TNKS: variants seen among roughly 807,000 people sequenced by gnomAD.
The protein encoded by TNKS is poly [ADP-ribose] polymerase tankyrase-1.
In TNKS, 72 loss-of-function variants were observed where a neutral mutation model predicts 135.8. The ratio of observed to expected loss-of-function variants is 0.53; its 90% CI spans 0.44 to 0.64. The LOEUF (loss-of-function observed/expected upper bound fraction) is 0.64, where lower values mean the gene tolerates loss of function less well. Ranked by LOEUF, TNKS falls within the 30% of genes least tolerant of loss-of-function variation. The pLI is 0.00. For synonymous variants in TNKS, 849 were observed against 649.3 expected (o/e 1.31, Z -4.68); for missense variants, 1,769 against 1,674.0 (o/e 1.06, Z -0.99).
chr8:9,597,467 T>C (rs1798834254), intron 2 of TNKS, among the ~76,000 whole-genome samples: 1 of 151,352 alleles, frequency 6.6e-6, no homozygotes, highest in Non-Finnish European at 1.5e-5. Flanking sequence ...TTAGTATCCT[T>C]TGTAATTTTG....
intron 2 of TNKS, among the ~76,000 whole-genome samples, chr8:9,592,751 T>G (rs1798634281): frequency 6.6e-6 from 1 of 152,220 alleles, no homozygotes; most frequent in South Asian, 2.1e-4. Context: ...TGTCTGACTT[T>G]TTTTTATATT....
chr8:9,768,755 G>A (rs971410766), intron 25 of TNKS, among the ~76,000 whole-genome samples: 1 of 152,208 alleles, frequency 6.6e-6, no homozygotes, highest in Non-Finnish European at 1.5e-5. Flanking sequence ...AGAGAGAGAT[G>A]GAGCTCAAAA....
chr8:9,715,939 A>G (rs1481363587), intron 11 of TNKS, among the ~76,000 whole-genome samples: 1 of 152,170 alleles, frequency 6.6e-6, no homozygotes, highest in Non-Finnish European at 1.5e-5. Context: ...GCATTCTGTC[A>G]GTAATGAATT....
At chr8:9,632,922 G>A (rs1211474141) in intron 3 of TNKS, among the ~76,000 whole-genome samples, 1 of 152,046 alleles carries the variant, frequency 6.6e-6, no homozygotes, top group African/African-American at 2.4e-5. Flanking sequence ...GTAGAGATGG[G>A]GTTTCACCAT....
At chr8:9,560,935 C>G (rs528793036) in intron 1 of TNKS, among the ~76,000 whole-genome samples, 2 of 152,106 alleles carry the variant, frequency 1.3e-5, no homozygotes, top group African/African-American at 2.4e-5. Context: ...AATGATACTG[C>G]TCTTTGGAAG....
At chr8:9,695,895 A>G (rs1803490661) in intron 5 of TNKS, among the ~76,000 whole-genome samples, 1 of 152,232 alleles carries the variant, frequency 6.6e-6, no homozygotes. Context: ...TGGCGTTGTC[A>G]TTAACAAGAA....
intron 8 of TNKS, 26 bp from the exon 9 acceptor site, chr8:9,708,345 T>A: frequency 1.3e-6 from 2 of 1,519,570 alleles, no homozygotes; most frequent in Non-Finnish European, 1.8e-6. Flanking sequence ...CATCTTTTTT[T>A]ATGTCAACCA....
chr8:9,671,463 C>T (rs189779332), intron 3 of TNKS, among the ~76,000 whole-genome samples: 10 of 152,208 alleles, frequency 6.6e-5, no homozygotes, highest in Admixed American at 2.0e-4. Flanking sequence ...ACAACATGGA[C>T]GAAACTTAAA....
At chr8:9,762,005 C>G (rs2128834141) in intron 21 of TNKS, among the ~76,000 whole-genome samples, 1 of 152,358 alleles carries the variant, frequency 6.6e-6, no homozygotes, top group African/African-American at 2.4e-5. Context: ...ACAATGTGAA[C>G]ACAATCTTTT....
chr8:9,751,697 C>T lies in TNKS; in HGVS notation c.2921C>T (p.Ala974Val). 1 of 1,614,190 alleles carries T rather than the reference C, an allele frequency of 6.2e-7. No homozygotes were observed. The highest frequency in any genetic ancestry group is 1.1e-5 in the South Asian group (1 of 91,082). Reference sequence around the variant, plus strand: ...AAACCTCAGGCTACTGTAGTGAGTGCCTCTCTGATCTCACCAGCATCCACC... The same window carrying T: ...AAACCTCAGGCTACTGTAGTGAGTGTCTCTCTGATCTCACCAGCATCCACC... ...CFKPQATVVSASLISPASTPS... is the reference protein window; with the variant it reads ...CFKPQATVVSVSLISPASTPS... The change falls in exon 19 of 27, where the codon GCC becomes GTC. Residue 974 changes from alanine (A) to valine (V), a missense_variant. By Grantham distance (64) the Ala-to-Val change is moderately conservative. This residue lies in a region of TNKS where 722 missense variants were observed against 688.9 expected (regional missense o/e 1.05). Coordinates refer to ENST00000310430, the MANE Select transcript of TNKS (RefSeq NM_003747.3).
intron 5 of TNKS, among the ~76,000 whole-genome samples, chr8:9,695,918 A>C (rs1803491298): frequency 6.6e-6 from 1 of 152,218 alleles, no homozygotes; most frequent in African/African-American, 2.4e-5. Flanking sequence ...TCTGCAGCAT[A>C]TGTTTCAAGG....
chr8:9,613,846 T>A (rs1349169807), intron 2 of TNKS, among the ~76,000 whole-genome samples: 1 of 152,216 alleles, frequency 6.6e-6, no homozygotes, highest in African/African-American at 2.4e-5. Context: ...AGTCAGACTT[T>A]CACTATTTTA....
intron 26 of TNKS, among the ~76,000 whole-genome samples, chr8:9,773,597 A>G (rs939915472): frequency 9.2e-5 from 14 of 152,140 alleles, no homozygotes; most frequent in Non-Finnish European, 1.6e-4. Context: ...CTTAGAAGAT[A>G]AGTTTAAGTT....
chr8:9,637,579 A>C (rs1800559810), intron 3 of TNKS, among the ~76,000 whole-genome samples: 1 of 152,184 alleles, frequency 6.6e-6, no homozygotes, highest in South Asian at 2.1e-4. Flanking sequence ...GTTTTGAAGA[A>C]GTTATTAGAA....
intron 3 of TNKS, among the ~76,000 whole-genome samples, chr8:9,649,262 C>G (rs920558971): frequency 2.6e-5 from 4 of 152,246 alleles, no homozygotes; most frequent in Admixed American, 6.5e-5. Context: ...GTCAGTCAAC[C>G]AATCAAATAT....
chr8:9,743,322 C>T (rs945614683), intron 17 of TNKS: 2 of 152,188 alleles, frequency 1.3e-5, no homozygotes, highest in African/African-American at 2.4e-5. Flanking sequence ...TTTAGTCTAG[C>T]AAACTCTGCA....
intron 3 of TNKS, among the ~76,000 whole-genome samples, chr8:9,629,818 G>A (rs1329632436): frequency 6.6e-6 from 1 of 152,174 alleles, no homozygotes; most frequent in Non-Finnish European, 1.5e-5. Flanking sequence ...GAGTAGCTGG[G>A]ACTACAGGCA....
intron 1 of TNKS, among the ~76,000 whole-genome samples, chr8:9,560,627 C>T (rs920697810): frequency 3.0e-4 from 45 of 148,646 alleles, no homozygotes; most frequent in Admixed American, 1.2e-3. Context: ...CAGAATGCTG[C>T]AGTCTTGGAG....
At position 9,615,613 on chromosome 8, in the gene TNKS, T is replaced by C. The variant is rs1461577429; in HGVS notation, c.930T>C (p.Ile310=). The change falls in exon 3 of 27, where the codon ATT becomes ATC. Residue 310 remains isoleucine (I), a synonymous_variant. Coordinates refer to ENST00000310430, the MANE Select transcript of TNKS (RefSeq NM_003747.3). ...VLLQHGADPN[I]RNTDGKSALD... is the part of the protein sequence containing the mutation. ...TGCAGCACGGAGCTGACCCAAACAT[T>C]CGGAACACTGATGGGAAATCAGCCC... 6.2e-7 allele frequency: 1 copy of C among 1,613,722 alleles called. No homozygotes were observed. The highest frequency in any genetic ancestry group is 8.5e-7 in the Non-Finnish European group (1 of 1,179,882).
Sources: allele counts gnomAD v4.1 joint callset (sites outside exome capture counted in the v4.1 genomes callset), GRCh38; gene constraint gnomAD v4.1.1; regional missense constraint gnomAD v4.1.1; transcripts MANE v1.5; gene names NCBI Gene and HGNC (gene_info 2026-07-23, HGNC 2026-07-21).